BTBD9: variants seen among roughly 807,000 people sequenced by gnomAD.
The protein encoded by BTBD9 is BTB/POZ domain-containing protein 9.
In BTBD9, 49 loss-of-function variants were observed where a neutral mutation model predicts 64.3. The ratio of observed to expected loss-of-function variants is 0.76; its 90% CI spans 0.61 to 0.97. BTBD9 has a LOEUF of 0.97. Ranked by LOEUF, BTBD9 falls within the 50% of genes least tolerant of loss-of-function variation. BTBD9 has a pLI of 0.00. For synonymous variants in BTBD9, 260 were observed against 274.7 expected, an observed-to-expected ratio of 0.95 and a Z score of 0.53; for missense variants, 598 against 762.1, an observed-to-expected ratio of 0.78 and a Z score of 2.53.
chr6:38,420,362 A>G (rs1767848556), intron 6 of BTBD9, among the ~76,000 whole-genome samples: 2 of 152,236 alleles, frequency 1.3e-5, no homozygotes, highest in African/African-American at 4.8e-5. Context: ...AAGCTGAGAA[A>G]TGTATTCAGC....
intron 1 of BTBD9, among the ~76,000 whole-genome samples, chr6:38,636,487 A>G (rs575792155): frequency 6.6e-6 from 1 of 152,266 alleles, no homozygotes; most frequent in East Asian, 1.9e-4. Flanking sequence ...TTTCTAACTT[A>G]ATGTCATCAT....
intron 2 of BTBD9, chr6:38,595,862 A>G: frequency 1.0e-6 from 1 of 985,434 alleles, no homozygotes; most frequent in Non-Finnish European, 1.2e-6. Flanking sequence ...TTACCAAATT[A>G]AAGAACTTCT....
At chr6:38,245,546 A>T (rs536293930) in intron 9 of BTBD9, among the ~76,000 whole-genome samples, 16 of 152,204 alleles carry the variant, frequency 1.1e-4, no homozygotes, top group Non-Finnish European at 2.2e-4. Flanking sequence ...GCAGGGGGCC[A>T]GATTGTGCAG....
Position 38,465,258 on chromosome 6 carries a change from G to A in BTBD9, c.1154+112342C>T, listed in dbSNP as rs142631378. Among the ~76,000 whole-genome samples the A allele has an allele frequency of 3.2e-3, 492 of 151,802 alleles. 4 individuals carry two copies. The highest frequency in any genetic ancestry group is 4.8e-3 in the Non-Finnish European group (323 of 67,928). ...TGCAGTGAGCCTTCATTGCGCTACT[G>A]TGCTCCAGCCTGGGCAACAGATAGA... On this transcript the variant is annotated intron_variant, in intron 6 of 10. Transcript: ENST00000481247.
intron 7 of BTBD9, among the ~76,000 whole-genome samples, chr6:38,318,600 C>A (rs190175814): frequency 1.3e-5 from 2 of 152,264 alleles, no homozygotes; most frequent in East Asian, 3.9e-4. Flanking sequence ...TTGTTCTTTT[C>A]CCTTACTTTC....
In BTBD9 at chr6:38,506,328, G is replaced by A. The variant is rs956082119; in HGVS notation, c.1154+71272C>T. Among the ~76,000 whole-genome samples, 4 of 152,140 alleles carry A rather than the reference G, an allele frequency of 2.6e-5. No homozygotes were observed. In the East Asian group the frequency reaches 5.8e-4, roughly 22 times the overall value. ...AAATGTGTTCAGAATACTTACATTA[G>A]CCTACAGTTGGGCAAAATCATCTAA... On this transcript the variant is annotated intron_variant, in intron 6 of 10. Coordinates refer to ENST00000481247, the MANE Select transcript of BTBD9 (RefSeq NM_001099272.2).
chr6:38,363,905 G>A (rs1352752088), intron 6 of BTBD9, among the ~76,000 whole-genome samples: 1 of 152,138 alleles, frequency 6.6e-6, no homozygotes, highest in African/African-American at 2.4e-5. Context: ...GATTGCTACA[G>A]CCTATTAGAC....
chr6:38,598,340 C>T (rs1777125903), intron 1 of BTBD9, among the ~76,000 whole-genome samples: 1 of 152,138 alleles, frequency 6.6e-6, no homozygotes, highest in South Asian at 2.1e-4. Flanking sequence ...AGCAAAAATG[C>T]CAGATCTCCA....
At chr6:38,633,176 T>G (rs547449511) in intron 1 of BTBD9, among the ~76,000 whole-genome samples, 3 of 152,298 alleles carry the variant, frequency 2.0e-5, no homozygotes, top group East Asian at 1.9e-4. Context: ...CCTAAAACAG[T>G]AGAAATGAGA....
chr6:38,563,091 T>G (rs902672731), intron 6 of BTBD9, among the ~76,000 whole-genome samples: 2 of 152,180 alleles, frequency 1.3e-5, no homozygotes, highest in Non-Finnish European at 2.9e-5. Flanking sequence ...TGGCTATTCT[T>G]TCCCCATTTC....
Position 38,598,126 on chromosome 6 carries a change from C to T in BTBD9, c.-27-5G>A, listed in dbSNP as rs1382116641. On this transcript the variant is annotated splice_polypyrimidine_tract_variant and splice_region_variant and intron_variant, in intron 1 of 10. Coordinates refer to ENST00000481247, the MANE Select transcript of BTBD9 (RefSeq NM_001099272.2). ...GAATAGACGATAGTCGTTGTTCTATCATATAAAGAAGGAATGAGAGTTAGT... is the reference window on the plus strand; with the variant it reads ...GAATAGACGATAGTCGTTGTTCTATTATATAAAGAAGGAATGAGAGTTAGT... The T allele has an allele frequency of 3.1e-6, 5 of 1,594,780 alleles. No individual in the cohort carries two copies. The highest frequency in any genetic ancestry group is 4.3e-6 in the Non-Finnish European group (5 of 1,167,750).
At chr6:38,310,504 C>T (rs534710533) in intron 7 of BTBD9, among the ~76,000 whole-genome samples, 143 of 151,892 alleles carry the variant, frequency 9.4e-4, no homozygotes, top group African/African-American at 3.2e-3. Flanking sequence ...GAAACAAGAT[C>T]ATGCCATGTT....
At chr6:38,281,863 T>C (rs1358346953) in intron 8 of BTBD9, among the ~76,000 whole-genome samples, 1 of 152,222 alleles carries the variant, frequency 6.6e-6, no homozygotes, top group Non-Finnish European at 1.5e-5. Flanking sequence ...CTATTGCACA[T>C]ATCAATTGCA....
At chr6:38,452,602 A>G (rs971115188) in intron 6 of BTBD9, among the ~76,000 whole-genome samples, 2 of 152,040 alleles carry the variant, frequency 1.3e-5, no homozygotes, top group African/African-American at 4.8e-5. Context: ...AAGAGAAATT[A>G]TGAGAGATGA....
intron 8 of BTBD9, among the ~76,000 whole-genome samples, chr6:38,267,863 C>A (rs1294362110): frequency 6.6e-6 from 1 of 152,160 alleles, no homozygotes; most frequent in African/African-American, 2.4e-5. Flanking sequence ...TGGTGTGAAC[C>A]CAGGAAGCAG....
chr6:38,343,706 T>C (rs1017354100), intron 7 of BTBD9, among the ~76,000 whole-genome samples: 1 of 152,230 alleles, frequency 6.6e-6, no homozygotes, highest in Admixed American at 6.5e-5. Context: ...TTAATATTTA[T>C]ATTTAATGTT....
At chr6:38,606,007 G>T (rs956209549) in intron 1 of BTBD9, among the ~76,000 whole-genome samples, 3 of 152,206 alleles carry the variant, frequency 2.0e-5, no homozygotes, top group Admixed American at 6.5e-5. Flanking sequence ...GGTAACAGCC[G>T]ACTTGCTGAG....
At chr6:38,266,468 G>C (rs757430574) in intron 8 of BTBD9, among the ~76,000 whole-genome samples, 8 of 152,086 alleles carry the variant, frequency 5.3e-5, no homozygotes, top group African/African-American at 9.7e-5. Flanking sequence ...AGTTACTCAG[G>C]AGGCTGAGGC....
intron 7 of BTBD9, among the ~76,000 whole-genome samples, chr6:38,328,549 G>A (rs1224825747): frequency 3.4e-5 from 5 of 145,784 alleles, no homozygotes; most frequent in South Asian, 2.2e-4. Context: ...AATATATTTC[G>A]GCCATTTAAG....
Sources: gnomAD v4.1 joint callset for allele counts (sites outside exome capture counted in the v4.1 genomes callset) on GRCh38, gnomAD v4.1.1 for gene constraint, MANE v1.5 for transcripts, NCBI Gene and HGNC (gene_info 2026-07-23, HGNC 2026-07-21) for gene names.